The following PVR variants were observed in gnomAD, a reference collection of about 807,000 sequenced individuals.
The protein encoded by PVR is PVR cell adhesion molecule.
A neutral mutation model predicts 43.3 loss-of-function variants in PVR; 39 were observed. The observed-to-expected ratio is 0.90, with a 90% CI of 0.70 to 1.18. The LOEUF (loss-of-function observed/expected upper bound fraction) is 1.18, where lower values mean the gene tolerates loss of function less well. Among genes scored for constraint, PVR ranks in the 50% most tolerant of loss-of-function variants. The pLI is 0.00. For missense variants in PVR, 480 were observed against 549.7 expected (o/e 0.87, Z 1.27); for synonymous variants, 224 against 233.2 (o/e 0.96, Z 0.36).
chr19:44,651,061 T>G (rs926324114), intron 3 of PVR, among the ~76,000 whole-genome samples: 1 of 151,916 alleles, frequency 6.6e-6, no homozygotes, highest in Admixed American at 6.6e-5. Flanking sequence ...CTAGAGAGAG[T>G]TTTGCTGTGT....
intron 4 of PVR, among the ~76,000 whole-genome samples, chr19:44,654,683 G>T (rs1352873973): frequency 6.6e-6 from 1 of 152,242 alleles, no homozygotes; most frequent in African/African-American, 2.4e-5. Context: ...GGCCAAGCTT[G>T]TCTAACCTGC....
At position 44,664,403 on chromosome 19, in the gene PVR, G is replaced by C. The variant is rs910003585; in HGVS notation, c.*2592G>C. 2 of 152,060 alleles carry C rather than the reference G, an allele frequency of 1.3e-5. No individual in the cohort carries two copies. Among genetic ancestry groups the C allele is most frequent in the Non-Finnish European group, 2.9e-5 (2 of 68,046 alleles). The allele number at this position is 152,060 out of a possible 1,614,324, so 9.4% of individuals were successfully genotyped here. ...CTCTTTTTAACTTTTGTAGAGATAG[G>C]CATCTCGCTATGTTGCCTAGGCTGG... On this transcript the variant is annotated 3_prime_UTR_variant, in exon 8 of 8. Transcript: ENST00000425690.
At chr19:44,650,312 T>C (rs1022325524) in intron 3 of PVR, among the ~76,000 whole-genome samples, 2 of 152,172 alleles carry the variant, frequency 1.3e-5, no homozygotes, top group Non-Finnish European at 2.9e-5. Context: ...ACCAGTTTAC[T>C]TGGGCCATAG....
At chr19:44,648,410 T>C (rs1278775010) in intron 2 of PVR, among the ~76,000 whole-genome samples, 1 of 152,138 alleles carries the variant, frequency 6.6e-6, no homozygotes, top group Non-Finnish European at 1.5e-5. Context: ...CTCTTGGAAC[T>C]TGAGCAAGAA....
intron 1 of PVR, among the ~76,000 whole-genome samples, 164 bp downstream of exon 1, chr19:44,644,339 G>A (rs1226061043): frequency 2.6e-5 from 4 of 152,204 alleles, no homozygotes; most frequent in Non-Finnish European, 4.4e-5. Context: ...GAGGGTGCGA[G>A]GGCAGGACCC....
chr19:44,654,224 G>A lies in PVR; in HGVS notation c.842+207G>A, dbSNP rs1355596455. On this transcript the variant is annotated intron_variant, in intron 4 of 7. Coordinates refer to ENST00000425690, the MANE Select transcript of PVR (RefSeq NM_006505.5). ...GGTCTGGACCCCTGGGACTGAGAGA[G>A]GAGGGGCTGGGCCTGGACCCCTGGG... is the stretch of plus-strand genomic sequence containing the variant. 2.1e-3 allele frequency among the ~76,000 whole-genome samples: 285 copies of A among 135,708 alleles called. 1 individual carries two copies. The highest frequency in any genetic ancestry group is 8.2e-3 in the African/African-American group (248 of 30,244). The allele number at this position is 135,708 out of a possible 152,430, so 89.0% of individuals were successfully genotyped here.
At chr19:44,645,048 A>C (rs1229050932) in intron 1 of PVR, among the ~76,000 whole-genome samples, 11 of 111,344 alleles carry the variant, frequency 9.9e-5, no homozygotes, top group African/African-American at 4.0e-4. Context: ...TATATAATAA[A>C]ATATATAATA....
intron 7 of PVR, 139 bp from the exon 8 acceptor site, chr19:44,661,601 C>G: frequency 1.3e-6 from 1 of 795,150 alleles, no homozygotes; most frequent in Non-Finnish European, 2.1e-6. Context: ...CATGGCCACA[C>G]CTTGAGAAGC....
intron 6 of PVR, among the ~76,000 whole-genome samples, chr19:44,659,452 ATTTTAAT>A (rs1275536847): frequency 6.6e-6 from 1 of 151,908 alleles, no homozygotes; most frequent in Non-Finnish European, 1.5e-5. Flanking sequence ...AACCCCCTCG[ATTTTAAT>A]TTTTAATTTT....
intron 3 of PVR, among the ~76,000 whole-genome samples, chr19:44,652,248 G>T (rs1338849547): frequency 6.6e-6 from 1 of 152,078 alleles, no homozygotes; most frequent in Non-Finnish European, 1.5e-5. Flanking sequence ...ACCCAGACTG[G>T]AGTGCAGTGG....
At chr19:44,647,077 T>TACCCCCCCCCCC in intron 1 of PVR, 146 bp from the exon 2 acceptor site, 2 of 311,374 alleles carry the variant, frequency 6.4e-6, no homozygotes, top group East Asian at 6.1e-5. Flanking sequence ...GTGCCCCAGT[T>TACCCCCCCCCCC]CCCCCTCCCC....
At chr19:44,647,089 CA>C in intron 1 of PVR, 133 bp from the exon 2 acceptor site, 4 of 456,172 alleles carry the variant, frequency 8.8e-6, no homozygotes, top group East Asian at 4.4e-5. Flanking sequence ...CCCCTCCCCC[CA>C]CACCCCACGG....
chr19:44,648,338 A>C (rs970962741), intron 2 of PVR, among the ~76,000 whole-genome samples: 14 of 152,174 alleles, frequency 9.2e-5, no homozygotes, highest in African/African-American at 3.4e-4. Context: ...GAAAGCAAGG[A>C]TCCTGATACC....
At chr19:44,647,186 GCC>G in intron 1 of PVR, 35 bp from the exon 2 acceptor site, 1 of 1,444,212 alleles carries the variant, frequency 6.9e-7, no homozygotes, top group Non-Finnish European at 9.2e-7. Flanking sequence ...GTCCAAGAAC[GCC>G]CCGGGTCTGA....
intron 2 of PVR, among the ~76,000 whole-genome samples, chr19:44,648,693 C>T (rs1283106326): frequency 1.4e-5 from 2 of 146,460 alleles, no homozygotes; most frequent in African/African-American, 5.4e-5. Context: ...TCTTTTTAAG[C>T]TTATGTGCCA....
intron 3 of PVR, among the ~76,000 whole-genome samples, chr19:44,651,186 C>G (rs1973271593): frequency 6.6e-6 from 1 of 152,170 alleles, no homozygotes; most frequent in Non-Finnish European, 1.5e-5. Flanking sequence ...ATTTTCTACA[C>G]TGCCTTACCA....
Position 44,644,025 on chromosome 19 carries a change from C to T in PVR, c.-72C>T, listed in dbSNP as rs1455844583. 2 of 1,333,658 alleles carry T rather than the reference C, an allele frequency of 1.5e-6. No individual in the cohort carries two copies. The highest frequency in any genetic ancestry group is 1.5e-5 in the African/African-American group (1 of 65,604). The allele number at this position is 1,333,658 out of a possible 1,614,324, so 82.6% of individuals were successfully genotyped here. ...CTCCGGGAGCTGGACTCGCAGCGACCGCGGCAGAGCGAGCGGGCGCCGGGA... is the reference window on the plus strand; with the variant it reads ...CTCCGGGAGCTGGACTCGCAGCGACTGCGGCAGAGCGAGCGGGCGCCGGGA... On this transcript the variant is annotated 5_prime_UTR_variant, in exon 1 of 8. Transcript: ENST00000425690.
At chr19:44,659,953 C>T (rs1484894259) in intron 6 of PVR, among the ~76,000 whole-genome samples, 1 of 152,204 alleles carries the variant, frequency 6.6e-6, no homozygotes, top group Non-Finnish European at 1.5e-5. Flanking sequence ...CCAAGCTTTT[C>T]CTTCAACCAC....
chr19:44,663,345 A>C lies in PVR; in HGVS notation c.*1534A>C, dbSNP rs528090726. The C allele has an allele frequency of 6.6e-6, 1 of 152,358 alleles. No individual in the cohort carries two copies. Among genetic ancestry groups the C allele is most frequent in the East Asian group, 1.9e-4 (1 of 5,186 alleles). 9.4% of individuals were successfully genotyped at this position (152,358 alleles called of 1,614,324 possible). On this transcript the variant is annotated 3_prime_UTR_variant, in exon 8 of 8. Transcript: ENST00000425690. ...CAAAGCTTGAGCTGCTCTGCAAGAG[A>C]AAATAAGCAGGACAGAGGATTTGCT...
Sources: allele counts gnomAD v4.1 joint callset (sites outside exome capture counted in the v4.1 genomes callset), GRCh38; gene constraint gnomAD v4.1.1; transcripts MANE v1.5; gene names NCBI Gene and HGNC (gene_info 2026-07-23, HGNC 2026-07-21).